The following ARL17A variants were observed in gnomAD, a reference collection of about 807,000 sequenced individuals.
ARL17A encodes ARF like GTPase 17A.
intron 4 of ARL17A, among the ~76,000 whole-genome samples, chr17:46,532,344 C>T (rs1254618851): frequency 6.6e-6 from 1 of 150,442 alleles, no homozygotes; most frequent in Non-Finnish European, 1.5e-5. Flanking sequence ...AGCATTTTTC[C>T]ATCTACATTC....
At chr17:46,541,472 G>A (rs1248518481) in intron 3 of ARL17A, among the ~76,000 whole-genome samples, 7 of 149,424 alleles carry the variant, frequency 4.7e-5, no homozygotes, top group South Asian at 2.1e-4. Flanking sequence ...GGGTGGTTTC[G>A]AACTCCTGAC....
chr17:46,502,824 C>T, the ARL17A span, among the ~76,000 whole-genome samples: 1 of 151,132 alleles, frequency 6.6e-6, no homozygotes, highest in Admixed American at 6.6e-5. Flanking sequence ...CACCCAGGGG[C>T]TCAGAGCCCT....
At chr17:46,550,309 C>T, downstream of ARL17A, 2 of 317,348 alleles carry the variant, frequency 6.3e-6, no homozygotes, top group South Asian at 2.7e-5. Flanking sequence ...GTGAGACCCT[C>T]TTTCAAAAAA....
chr17:46,532,367 G>T (rs1229862561), intron 4 of ARL17A, among the ~76,000 whole-genome samples: 1 of 150,248 alleles, frequency 6.7e-6, no homozygotes, highest in Non-Finnish European at 1.5e-5. Context: ...AAGAAATACT[G>T]GTCTGTAATT....
chr17:46,502,131 C>T, the ARL17A span, among the ~76,000 whole-genome samples: 1 of 151,106 alleles, frequency 6.6e-6, no homozygotes, highest in Non-Finnish European at 1.5e-5. Flanking sequence ...ACTTCATAAG[C>T]TTTAGATTTT....
intron 4 of ARL17A, among the ~76,000 whole-genome samples, chr17:46,532,196 G>A (rs1308460311): frequency 1.3e-5 from 2 of 148,614 alleles, no homozygotes; most frequent in East Asian, 2.0e-4. Context: ...ACCATGCCCA[G>A]CCAATAAATG....
intron 3 of ARL17A, among the ~76,000 whole-genome samples, chr17:46,543,706 A>G (rs1157525061): frequency 6.6e-6 from 1 of 150,988 alleles, no homozygotes; most frequent in African/African-American, 2.5e-5. Context: ...AAGTATTAGC[A>G]ACTACTGATT....
At chr17:46,533,397 ACCCCCTC>A (rs2054011266) in intron 4 of ARL17A, among the ~76,000 whole-genome samples, 2 of 104,014 alleles carry the variant, frequency 1.9e-5, no homozygotes, top group South Asian at 5.8e-4. Flanking sequence ...CTCCACTCTC[ACCCCCTC>A]CTTTATACTG....
the ARL17A span, among the ~76,000 whole-genome samples, chr17:46,510,066 CG>C: frequency 2.3e-3 from 80 of 34,902 alleles, 10 homozygotes; most frequent in African/African-American, 8.3e-3. Flanking sequence ...AGGGTATTTC[CG>C]GGGCTTTTCC....
downstream of ARL17A, chr17:46,548,943 G>T: frequency 6.2e-7 from 1 of 1,612,514 alleles, no homozygotes; most frequent in Non-Finnish European, 8.5e-7. Flanking sequence ...TACCACAGGT[G>T]AGAGACAGAT....
chr17:46,503,088 T>C, the ARL17A span, among the ~76,000 whole-genome samples: 2 of 150,376 alleles, frequency 1.3e-5, no homozygotes, highest in African/African-American at 5.0e-5. Flanking sequence ...GGGGGGCGCC[T>C]GTAGTCCCAG....
At chr17:46,516,607 A>T (rs1444916130), downstream of ARL17A, 1 of 160,644 alleles carries the variant, frequency 6.2e-6, no homozygotes, top group Non-Finnish European at 1.4e-5. Flanking sequence ...TGAAGATACG[A>T]TTCTGTAAAA....
At position 46,542,514 on chromosome 17, in the gene ARL17A, GAT is replaced by G. The variant is rs574096941; in HGVS notation, c.260-4090_260-4089del. On this transcript the variant is annotated intron_variant, in intron 3 of 4. Transcript: ENST00000329240. The stretch of plus-strand genomic sequence containing the variant: ...ACACCGTGCCTGGCCTTCTTTGCAG[GAT>G]ATATATATAGATATAGATATATATA... Among the ~76,000 whole-genome samples, 5 of 146,278 alleles carry G rather than the reference GAT, an allele frequency of 3.4e-5. No individual in the cohort carries two copies. In the South Asian group the frequency reaches 6.3e-4, roughly 18 times the overall value.
At chr17:46,537,077 A>ATT (rs766255014) in intron 4 of ARL17A, among the ~76,000 whole-genome samples, 11 of 34,806 alleles carry the variant, frequency 3.2e-4, no homozygotes, top group Non-Finnish European at 4.4e-4. Flanking sequence ...ATTGTGGTCA[A>ATT]TTTTTTTTTT....
chr17:46,534,390 GTGATGACTCTTAACGAGCA>G lies in ARL17A; in HGVS notation c.335+3942_335+3960del, dbSNP rs1156278426. On this transcript the variant is annotated intron_variant, in intron 4 of 4. Coordinates refer to the ARL17A transcript ENST00000329240. Reference sequence around the variant, plus strand: ...CCTGGGTACTTGAGATTAGGGAGTGGTGATGACTCTTAACGAGCATGCTGCTTTCAAGCATCTGTTTAAC... The same window carrying G: ...CCTGGGTACTTGAGATTAGGGAGTGGTGCTGCTTTCAAGCATCTGTTTAAC... Among the ~76,000 whole-genome samples, 3 of 146,552 alleles carry G rather than the reference GTGATGACTCTTAACGAGCA, an allele frequency of 2.0e-5. 1 individual carries two copies. Among genetic ancestry groups the G allele is most frequent in the African/African-American group, 7.9e-5 (3 of 38,044 alleles).
chr17:46,516,186 C>T (rs2051270354), downstream of ARL17A, among the ~76,000 whole-genome samples: 1 of 149,246 alleles, frequency 6.7e-6, no homozygotes. Flanking sequence ...GCCTGGAGTC[C>T]CAGCTACTCG....
chr17:46,505,094 CA>C, the ARL17A span, among the ~76,000 whole-genome samples: 1 of 86,602 alleles, frequency 1.2e-5, no homozygotes, highest in African/African-American at 7.0e-5. Flanking sequence ...CCACCACACC[CA>C]GCTAATTTTT....
downstream of ARL17A, among the ~76,000 whole-genome samples, chr17:46,525,614 A>AATCATCATC (rs745821194): frequency 8.7e-6 from 1 of 114,506 alleles, no homozygotes; most frequent in African/African-American, 3.0e-5. Context: ...TAATAATAAT[A>AATCATCATC]ATCATCATCA....
intron 4 of ARL17A, among the ~76,000 whole-genome samples, chr17:46,529,161 T>C (rs1467764438): frequency 4.2e-4 from 58 of 136,772 alleles, no homozygotes; most frequent in African/African-American, 1.5e-3. Context: ...GAAACATAGC[T>C]CATCTATCTG....
Sources: gnomAD v4.1 joint callset for allele counts (sites outside exome capture counted in the v4.1 genomes callset) on GRCh38, gnomAD v4.1.1 for gene constraint, MANE v1.5 for transcripts, NCBI Gene and HGNC (gene_info 2026-07-23, HGNC 2026-07-21) for gene names.